The following RYR2 variants were observed in gnomAD, a reference collection of about 807,000 sequenced individuals.
The protein encoded by RYR2 is ryanodine receptor 2.
Under a neutral mutation model 601.1 loss-of-function variants are expected in RYR2, and 227 were observed. The observed-to-expected ratio is 0.38, with a 90% CI of 0.34 to 0.42. RYR2 has a LOEUF of 0.42. Among genes scored for constraint, RYR2 ranks in the 10% least tolerant of loss-of-function variants. The pLI, the probability that RYR2 is intolerant of heterozygous loss-of-function variation, is 1.00. For missense variants in RYR2, 4,646 were observed against 6,156.5 expected (o/e 0.75, Z 8.21); for synonymous variants, 2,223 against 2,175.1 (o/e 1.02, Z -0.61).
At chr1:237,686,108 C>G (rs1431760495) in intron 62 of RYR2, among the ~76,000 whole-genome samples, 1 of 152,188 alleles carries the variant, frequency 6.6e-6, no homozygotes, top group Non-Finnish European at 1.5e-5. Context: ...TGGTCTGTAT[C>G]CCTAGTCCTG....
intron 91 of RYR2, among the ~76,000 whole-genome samples, chr1:237,787,466 C>A (rs1449703792): frequency 6.6e-6 from 1 of 151,846 alleles, no homozygotes; most frequent in Non-Finnish European, 1.5e-5. Context: ...GTGTCACATG[C>A]CTATAATCCC....
chr1:237,580,469 TA>T (rs34856679), intron 29 of RYR2, among the ~76,000 whole-genome samples: 51,933 of 149,132 alleles, frequency 0.35, 10,457 homozygotes, highest in Admixed American at 0.46. Context: ...AACAATGCTT[TA>T]AAAAAAAAAA....
intron 1 of RYR2, among the ~76,000 whole-genome samples, chr1:237,046,574 A>C (rs1316314393): frequency 6.6e-6 from 1 of 152,224 alleles, no homozygotes; most frequent in Non-Finnish European, 1.5e-5. Flanking sequence ...CATCAGACTT[A>C]TTTTATTTTA....
chr1:237,204,817 A>G (rs1681614714), intron 1 of RYR2, among the ~76,000 whole-genome samples: 1 of 152,222 alleles, frequency 6.6e-6, no homozygotes, highest in Admixed American at 6.5e-5. Flanking sequence ...AGCCCCTGGC[A>G]TATGCTGGGC....
At chr1:237,250,318 C>A (rs1230449108) in intron 1 of RYR2, among the ~76,000 whole-genome samples, 2 of 152,136 alleles carry the variant, frequency 1.3e-5, no homozygotes, top group Non-Finnish European at 2.9e-5. Flanking sequence ...GCTTTGAGTG[C>A]CCTTGTTGCC....
At chr1:237,641,693 C>T (rs1681567310) in intron 47 of RYR2, among the ~76,000 whole-genome samples, 1 of 152,096 alleles carries the variant, frequency 6.6e-6, no homozygotes, top group South Asian at 2.1e-4. Flanking sequence ...AGGCACATGC[C>T]ACCACGCCCA....
rs999134919 is a variant in RYR2, at chr1:237,579,583, G to C, written c.3599-10210G>C. Reference sequence around the variant, plus strand: ...ATTTACTTCTTAAAGCACACTCATAGGGCAAATTTCCATGGGTCAAAAAAC... The same window carrying C: ...ATTTACTTCTTAAAGCACACTCATACGGCAAATTTCCATGGGTCAAAAAAC... On this transcript the variant is annotated intron_variant, in intron 29 of 104. Transcript: ENST00000366574. Among the ~76,000 whole-genome samples, 5 of 152,022 alleles carry C rather than the reference G, an allele frequency of 3.3e-5. 1 individual carries two copies. The highest frequency in any genetic ancestry group is 2.6e-4 in the Admixed American group (4 of 15,262).
At chr1:237,552,446 G>A (rs1283350541) in intron 27 of RYR2, among the ~76,000 whole-genome samples, 2 of 152,154 alleles carry the variant, frequency 1.3e-5, no homozygotes, top group Admixed American at 6.5e-5. Context: ...GAAGTGTTCA[G>A]TCTGGTAAAT....
chr1:237,086,963 C>T (rs560087154), intron 1 of RYR2, among the ~76,000 whole-genome samples: 5 of 152,184 alleles, frequency 3.3e-5, no homozygotes, highest in Non-Finnish European at 7.3e-5. Flanking sequence ...GTCTGCAGCT[C>T]TCGGATTATA....
intron 10 of RYR2, among the ~76,000 whole-genome samples, chr1:237,406,546 T>C (rs1317105970): frequency 6.6e-6 from 1 of 151,944 alleles, no homozygotes; most frequent in Admixed American, 6.6e-5. Flanking sequence ...CCTTCTCTTT[T>C]AAAGAGAATA....
intron 48 of RYR2, among the ~76,000 whole-genome samples, chr1:237,646,108 A>T (rs930583916): frequency 6.6e-6 from 1 of 151,948 alleles, no homozygotes; most frequent in Admixed American, 6.6e-5. Context: ...CGATCTCCTG[A>T]CCTCGTGATC....
intron 1 of RYR2, among the ~76,000 whole-genome samples, chr1:237,237,870 C>T (rs749283239): frequency 1.1e-4 from 16 of 148,000 alleles, no homozygotes; most frequent in Non-Finnish European, 2.4e-4. Flanking sequence ...TTGGTCTTTT[C>T]CTTTCCCCTC....
chr1:237,148,527 A>ATTT (rs1158996552), intron 1 of RYR2, among the ~76,000 whole-genome samples: 90 of 83,920 alleles, frequency 1.1e-3, no homozygotes, highest in African/African-American at 3.7e-3. Flanking sequence ...AAAAAAAAAA[A>ATTT]ATATATATAT....
At chr1:237,814,554 A>ATT (rs3835531) in intron 100 of RYR2, among the ~76,000 whole-genome samples, 2,655 of 145,666 alleles carry the variant, frequency 0.018, 66 homozygotes, top group African/African-American at 0.049. Context: ...TCACAGGGGG[A>ATT]TTTTTTTTTT....
chr1:237,059,235 A>G lies in RYR2; in HGVS notation c.48+16666A>G, dbSNP rs538166645. On this transcript the variant is annotated intron_variant, in intron 1 of 104. Coordinates refer to ENST00000366574, the MANE Select transcript of RYR2 (RefSeq NM_001035.3). Reference sequence around the variant, plus strand: ...TATAACTCAGATGCCTTACTGGGATACAGAAATGGACTTTAAAATCTCGGG... The same window carrying G: ...TATAACTCAGATGCCTTACTGGGATGCAGAAATGGACTTTAAAATCTCGGG... Among the ~76,000 whole-genome samples the G allele has an allele frequency of 2.6e-5, 4 of 152,262 alleles. No homozygotes were observed. In the East Asian group the frequency reaches 5.8e-4, roughly 22 times the overall value.
intron 34 of RYR2, among the ~76,000 whole-genome samples, chr1:237,596,532 G>A (rs1159508671): frequency 6.6e-6 from 1 of 151,918 alleles, no homozygotes; most frequent in Admixed American, 6.6e-5. Flanking sequence ...TAAGAAAGAA[G>A]GAAAAAAGCC....
chr1:237,801,995 G>T (rs1660032678), intron 98 of RYR2, 79 bp downstream of exon 98: 2 of 830,774 alleles, frequency 2.4e-6, no homozygotes, highest in South Asian at 1.5e-5. Flanking sequence ...TGGAAGGCTG[G>T]TTATTTAGAA....
chr1:237,397,441 T>C (rs1394156554), intron 10 of RYR2, among the ~76,000 whole-genome samples: 1 of 152,092 alleles, frequency 6.6e-6, no homozygotes, highest in African/African-American at 2.4e-5. Flanking sequence ...GAAGTAGAAG[T>C]TACAGGCCAA....
rs751490790 is a variant in RYR2 at position 237,674,786 on chromosome 1, A to G, written c.8770A>G (p.Ser2924Gly). 6.2e-7 allele frequency: 1 copy of G among 1,612,738 alleles called. No individual in the cohort carries two copies. The highest frequency in any genetic ancestry group is 8.5e-7 in the Non-Finnish European group (1 of 1,178,976). The change falls in exon 60 of 105, where the codon AGT becomes GGT. Residue 2924 changes from serine (S) to glycine (G), a missense_variant. Physicochemically the swap from Ser to Gly is moderately conservative, Grantham distance 56 (BLOSUM62 0). Around this residue, in one of 17 missense-constraint regions of RYR2, gnomAD observed 1,497 missense variants for 1,842.6 expected, o/e 0.81. Coordinates refer to ENST00000366574, the MANE Select transcript of RYR2 (RefSeq NM_001035.3). ...TPSIEKRFAYSFLQQLIRYVD... is the reference protein window; with the variant it reads ...TPSIEKRFAYGFLQQLIRYVD... The stretch of plus-strand genomic sequence containing the variant: ...TTCTATTGAGAAACGATTTGCCTAT[A>G]GTTTCCTCCAACAACTCATTCGCTA...
Sources: gnomAD v4.1 joint callset for allele counts (sites outside exome capture counted in the v4.1 genomes callset) on GRCh38, gnomAD v4.1.1 for gene constraint, gnomAD v4.1.1 regional missense constraint, MANE v1.5 for transcripts, NCBI Gene and HGNC (gene_info 2026-07-23, HGNC 2026-07-21) for gene names.